Variants in SPRED2 observed in about 807,000 individuals in gnomAD.
The protein encoded by SPRED2 is sprouty related EVH1 domain containing 2.
SPRED2 carries 47 observed loss-of-function variants against 43.0 expected under a neutral mutation model. The observed-to-expected ratio is 1.09, with a 90% CI of 0.87 to 1.40. SPRED2 has a LOEUF of 1.40. Ranked by LOEUF, SPRED2 falls within the 40% of genes most tolerant of loss-of-function variation. The pLI, the probability that SPRED2 is intolerant of heterozygous loss-of-function variation, is 0.00. For synonymous variants in SPRED2, 225 were observed against 225.7 expected (o/e 1.00, Z 0.03); for missense variants, 561 against 586.4 (o/e 0.96, Z 0.45).
At chr2:65,428,185 T>C (rs1676599696) in intron 1 of SPRED2, among the ~76,000 whole-genome samples, 1 of 152,238 alleles carries the variant, frequency 6.6e-6, no homozygotes, top group Non-Finnish European at 1.5e-5. Context: ...ACCTGTTTTA[T>C]GCCTAGCCCT....
At chr2:65,337,243 AG>A (rs1182099794) in intron 2 of SPRED2, among the ~76,000 whole-genome samples, 2 of 152,220 alleles carry the variant, frequency 1.3e-5, no homozygotes, top group Non-Finnish European at 2.9e-5. Flanking sequence ...AAAAATGAAA[AG>A]GTTTTAGATG....
chr2:65,329,748 G>C (rs950182530), intron 4 of SPRED2, among the ~76,000 whole-genome samples: 2 of 152,104 alleles, frequency 1.3e-5, no homozygotes, highest in Non-Finnish European at 2.9e-5. Flanking sequence ...CTTTTAACCC[G>C]CCTGCTGTTG....
chr2:65,365,926 T>C (rs1572873109), intron 1 of SPRED2, among the ~76,000 whole-genome samples: 1 of 146,528 alleles, frequency 6.8e-6, no homozygotes, highest in Non-Finnish European at 1.6e-5. Context: ...CTTCAGATCA[T>C]GTGAACGCTA....
At chr2:65,316,368 C>T (rs964029722) in intron 5 of SPRED2, among the ~76,000 whole-genome samples, 1 of 152,210 alleles carries the variant, frequency 6.6e-6, no homozygotes, top group African/African-American at 2.4e-5. Flanking sequence ...ATGCAGGACG[C>T]AGTGTAGCCC....
At chr2:65,319,082 T>C (rs923140021) in intron 4 of SPRED2, among the ~76,000 whole-genome samples, 2 of 152,204 alleles carry the variant, frequency 1.3e-5, no homozygotes, top group Non-Finnish European at 2.9e-5. Context: ...AAAAAAGCAC[T>C]ACAAGAATTT....
chr2:65,308,561 G>C, downstream of SPRED2: 1 of 985,416 alleles, frequency 1.0e-6, no homozygotes, highest in Non-Finnish European at 1.2e-6. Context: ...AGTTCCTGAT[G>C]TTTCCTCAGG....
intron 4 of SPRED2, among the ~76,000 whole-genome samples, chr2:65,330,406 T>C (rs1178025789): frequency 6.6e-6 from 1 of 152,268 alleles, no homozygotes; most frequent in Non-Finnish European, 1.5e-5. Flanking sequence ...ATTAATTTTC[T>C]AAGGGATCGT....
rs979709471 is a variant in SPRED2 at position 65,312,311 on chromosome 2, A to G, written c.*1190T>C. ...ATATGGCCTTGTTTTTTCCCCAAGT[A>G]TAAATGAGGAATTTGGTGATGTGAA... On this transcript the variant is annotated 3_prime_UTR_variant, in exon 6 of 6. Coordinates refer to ENST00000356388, the MANE Select transcript of SPRED2 (RefSeq NM_181784.3). The G allele has an allele frequency of 2.0e-6, 2 of 985,470 alleles. No homozygotes were observed. Among genetic ancestry groups the G allele is most frequent in the Non-Finnish European group, 1.2e-6 (1 of 829,936 alleles). The allele number at this position is 985,470 out of a possible 1,614,324, so 61.0% of individuals were successfully genotyped here. A position where few individuals can be genotyped will look rare whatever the true frequency, so the allele number is the denominator to read the frequency against.
intron 1 of SPRED2, among the ~76,000 whole-genome samples, chr2:65,431,212 C>T (rs1676678886): frequency 6.7e-6 from 1 of 150,066 alleles, no homozygotes; most frequent in South Asian, 2.1e-4. Flanking sequence ...CGAGGACACT[C>T]ACATACACAC....
intron 1 of SPRED2, among the ~76,000 whole-genome samples, chr2:65,363,613 G>A (rs1230986331): frequency 6.6e-6 from 1 of 152,180 alleles, no homozygotes; most frequent in Admixed American, 6.5e-5. Flanking sequence ...TATCACAGCA[G>A]ACAGTGAGCA....
chr2:65,423,402 C>T (rs1190134549), intron 1 of SPRED2, among the ~76,000 whole-genome samples: 1 of 152,214 alleles, frequency 6.6e-6, no homozygotes, highest in East Asian at 1.9e-4. Context: ...GCACAGCCAA[C>T]TGGGATCACT....
At chr2:65,348,789 G>A (rs1475612176) in intron 1 of SPRED2, among the ~76,000 whole-genome samples, 2 of 111,378 alleles carry the variant, frequency 1.8e-5, no homozygotes, top group African/African-American at 3.3e-5. Flanking sequence ...GCAAAACTCC[G>A]TCTAAAAAAA....
intron 1 of SPRED2, among the ~76,000 whole-genome samples, chr2:65,376,545 T>C (rs971692342): frequency 1.3e-5 from 2 of 152,222 alleles, no homozygotes; most frequent in Non-Finnish European, 2.9e-5. Flanking sequence ...GCCCCATTCC[T>C]TCTCCTACCC....
intron 1 of SPRED2, among the ~76,000 whole-genome samples, chr2:65,367,053 A>G (rs773589500): frequency 3.5e-4 from 53 of 152,140 alleles, no homozygotes; most frequent in Non-Finnish European, 7.5e-4. Context: ...CCCCAAACCA[A>G]AGAATTTCGT....
At chr2:65,373,647 T>C (rs1485513614) in intron 1 of SPRED2, 1 of 152,266 alleles carries the variant, frequency 6.6e-6, no homozygotes, top group African/African-American at 2.4e-5. Context: ...TCTGTCTTCA[T>C]GGCAATTGGT....
At chr2:65,354,355 T>A (rs966538291) in intron 1 of SPRED2, among the ~76,000 whole-genome samples, 11 of 152,214 alleles carry the variant, frequency 7.2e-5, no homozygotes, top group African/African-American at 2.7e-4. Context: ...ACACTGGAAG[T>A]TACCTCATAA....
At chr2:65,327,222 GC>G (rs2104179637) in intron 4 of SPRED2, among the ~76,000 whole-genome samples, 1 of 152,280 alleles carries the variant, frequency 6.6e-6, no homozygotes, top group East Asian at 1.9e-4. Context: ...CCACAGTTTA[GC>G]TTCACTGGAG....
At chr2:65,333,138 C>T (rs1461633608) in intron 3 of SPRED2, among the ~76,000 whole-genome samples, 3 of 151,582 alleles carry the variant, frequency 2.0e-5, no homozygotes, top group South Asian at 2.1e-4. Flanking sequence ...TGATGGCGGG[C>T]GCCTGTAATC....
At chr2:65,409,977 C>T (rs1676117693) in intron 1 of SPRED2, among the ~76,000 whole-genome samples, 1 of 150,742 alleles carries the variant, frequency 6.6e-6, no homozygotes, top group African/African-American at 2.4e-5. Flanking sequence ...TTGCAGTGAG[C>T]CAAGATTGCA....
Sources: allele counts gnomAD v4.1 joint callset (sites outside exome capture counted in the v4.1 genomes callset), GRCh38; gene constraint gnomAD v4.1.1; transcripts MANE v1.5; gene names NCBI Gene and HGNC (gene_info 2026-07-23, HGNC 2026-07-21).